Variants in PCDHGB1 observed in about 807,000 individuals in gnomAD.
The protein encoded by PCDHGB1 is protocadherin gamma subfamily B, 1.
Under a neutral mutation model 56.6 loss-of-function variants are expected in PCDHGB1, and 34 were observed. The ratio of observed to expected loss-of-function variants is 0.60; its 90% CI spans 0.46 to 0.80. The LOEUF (loss-of-function observed/expected upper bound fraction) is 0.80. PCDHGB1 is among the 30% of genes least tolerant of loss of function. The probability of loss-of-function intolerance (pLI) is 0.00; values close to 1 mark genes in which losing one functional copy is unlikely to be tolerated. For missense variants in PCDHGB1, 1,278 were observed against 1,204.6 expected, an observed-to-expected ratio of 1.06 and a Z score of -0.90; for synonymous variants, 561 against 505.9, an observed-to-expected ratio of 1.11 and a Z score of -1.46.
chr5:141,493,021 G>C lies in PCDHGB1; in HGVS notation c.2410-1786G>C, dbSNP rs1261539371. On this transcript the variant is annotated intron_variant, in intron 1 of 3. Transcript: ENST00000523390. This position sits in a 1 kb window ranked among gnomAD's most constrained non-coding sequence, Gnocchi z 4.3. ...AGCTATAGGCTCTGCCAGATGCCAG[G>C]GTGCCCTTATGTGTGAGGAAACTAC... Among the ~76,000 whole-genome samples, 1 of 152,180 alleles carries C rather than the reference G, an allele frequency of 6.6e-6. No individual in the cohort carries two copies. The highest frequency in any genetic ancestry group is 6.5e-5 in the Admixed American group (1 of 15,284).
At chr5:141,362,691 T>C (rs1762634639) in intron 1 of PCDHGB1, 2 of 1,109,006 alleles carry the variant, frequency 1.8e-6, no homozygotes, top group South Asian at 1.7e-5. Context: ...TAATCTTATC[T>C]AACTGAATTT....
chr5:141,369,622 A>C (rs904281390), intron 1 of PCDHGB1, among the ~76,000 whole-genome samples: 3 of 152,224 alleles, frequency 2.0e-5, no homozygotes, highest in African/African-American at 7.2e-5. Flanking sequence ...TCATTTCCTC[A>C]TTACCTTTAA....
intron 1 of PCDHGB1, among the ~76,000 whole-genome samples, chr5:141,401,792 T>C (rs1359997438): frequency 6.6e-6 from 1 of 152,212 alleles, no homozygotes; most frequent in Non-Finnish European, 1.5e-5. Context: ...CCTTAGTATG[T>C]GATTCAGTAA....
In PCDHGB1 at chr5:141,404,779, C is replaced by T. The variant is rs779433248; in HGVS notation, c.2409+52110C>T. 8.1e-6 allele frequency: 13 copies of T among 1,613,628 alleles called. No individual in the cohort carries two copies. In the Admixed American group the frequency reaches 1.5e-4, roughly 19 times the overall value. ...ATGCTTGGCTCTCCTACCGCCTATT[C>T]AAGGCCAGTGAGCCAGGGCTCTTCT... On this transcript the variant is annotated intron_variant, in intron 1 of 3. Coordinates refer to ENST00000523390, the MANE Select transcript of PCDHGB1 (RefSeq NM_018922.3).
intron 1 of PCDHGB1, chr5:141,361,215 G>A: frequency 1.2e-6 from 2 of 1,613,962 alleles, no homozygotes; most frequent in Non-Finnish European, 1.7e-6. Flanking sequence ...CGGAGGATTC[G>A]CCACCAGGAA....
At position 141,512,967 on chromosome 5, in the gene PCDHGB1, T is replaced by C. The variant is rs2099884538; in HGVS notation, c.*1794T>C. ...CGACAAAAAAATAATAAAACGTTTC[T>C]TCTGAAAAGCTGAACGTTTCTGTAT... On this transcript the variant is annotated 3_prime_UTR_variant, in exon 4 of 4. Transcript: ENST00000523390. The C allele has an allele frequency of 6.6e-6, 1 of 152,260 alleles. No individual in the cohort carries two copies. Among genetic ancestry groups the C allele is most frequent in the South Asian group, 2.1e-4 (1 of 4,832 alleles). The allele number at this position is 152,260 out of a possible 1,614,324, so 9.4% of individuals were successfully genotyped here.
rs575872277 is a variant in PCDHGB1, at chr5:141,511,848, G to A, written c.*675G>A. The A allele has an allele frequency of 6.4e-6, 1 of 156,684 alleles. No individual in the cohort carries two copies. The highest frequency in any genetic ancestry group is 2.0e-4 in the South Asian group (1 of 5,078). The allele number at this position is 156,684 out of a possible 1,614,324, so 9.7% of individuals were successfully genotyped here. A position where few individuals can be genotyped will look rare whatever the true frequency, so the allele number is the denominator to read the frequency against. ...GCCCTGGGGACCAGTCTTCTGTTTT[G>A]TTTTTCATTGTTTGACGTTTCCACT... On this transcript the variant is annotated 3_prime_UTR_variant, in exon 4 of 4. Transcript: ENST00000523390.
chr5:141,510,323 C>A (rs1173679711), intron 3 of PCDHGB1, among the ~76,000 whole-genome samples: 1 of 151,234 alleles, frequency 6.6e-6, no homozygotes, highest in East Asian at 2.0e-4. Flanking sequence ...TGGAAGAGCA[C>A]TCTTCACCCC....
At chr5:141,415,257 T>G in intron 1 of PCDHGB1, 1 of 1,614,170 alleles carries the variant, frequency 6.2e-7, no homozygotes, top group Non-Finnish European at 8.5e-7. Flanking sequence ...CAGACCTCAC[T>G]CTGTACCTGG....
At chr5:141,465,293 G>A (rs1407146382) in intron 1 of PCDHGB1, among the ~76,000 whole-genome samples, 2 of 152,258 alleles carry the variant, frequency 1.3e-5, no homozygotes, top group South Asian at 2.1e-4. Flanking sequence ...AAAGAACTGA[G>A]AGTCCTGGGA....
rs769633110 is a variant in PCDHGB1 at position 141,374,076 on chromosome 5, A to G, written c.2409+21407A>G. The G allele has an allele frequency of 3.3e-6, 5 of 1,514,538 alleles. No homozygotes were observed. The Admixed American group carries it at 9.2e-5, about 28-fold the overall frequency. 93.8% of individuals were successfully genotyped at this position (1,514,538 alleles called of 1,614,324 possible). A position where few individuals can be genotyped will look rare whatever the true frequency, so the allele number is the denominator to read the frequency against. ...CTTAATCCCAGAGAAGTTCCTAATA[A>G]GCCAGTAATGGCGCCTCCGCAGAGG... On this transcript the variant is annotated intron_variant, in intron 1 of 3. Coordinates refer to ENST00000523390, the MANE Select transcript of PCDHGB1 (RefSeq NM_018922.3).
intron 2 of PCDHGB1, among the ~76,000 whole-genome samples, chr5:141,501,290 TACACAC>T (rs55762287): frequency 0.081 from 10,957 of 136,038 alleles, 480 homozygotes; most frequent in African/African-American, 0.13. Context: ...TATTCCCTTA[TACACAC>T]ACACACACAC....
chr5:141,403,620 C>T (rs1561689160), intron 1 of PCDHGB1: 1 of 1,613,916 alleles, frequency 6.2e-7, no homozygotes, highest in Non-Finnish European at 8.5e-7. Context: ...CCGCGTCGCT[C>T]CAGCACAGTG....
At position 141,511,238 on chromosome 5, in the gene PCDHGB1, G is replaced by A; in HGVS notation, c.*65G>A. ...CAACCAGCCCAGCTTCTCCTTACCT[G>A]CACCCAGGCCTCAGAGTTTCAGGGC... On this transcript the variant is annotated 3_prime_UTR_variant, in exon 4 of 4. Coordinates refer to ENST00000523390, the MANE Select transcript of PCDHGB1 (RefSeq NM_018922.3). 6.3e-7 allele frequency: 1 copy of A among 1,589,142 alleles called. No homozygotes were observed. The highest frequency in any genetic ancestry group is 2.3e-5 in the East Asian group (1 of 43,302).
chr5:141,383,357 C>A lies in PCDHGB1; in HGVS notation c.2409+30688C>A, dbSNP rs769784659. The A allele has an allele frequency of 9.9e-6, 16 of 1,613,956 alleles. No homozygotes were observed. The South Asian group carries it at 1.8e-4, about 18-fold the overall frequency. ...AATACAGCTCCTGGGGTTCGGTTTC[C>A]GTTAAGCGAGGCTGGGGATCCAGAT... On this transcript the variant is annotated intron_variant, in intron 1 of 3. Transcript: ENST00000523390.
chr5:141,365,198 G>A, intron 1 of PCDHGB1: 1 of 1,613,856 alleles, frequency 6.2e-7, no homozygotes, highest in Non-Finnish European at 8.5e-7. Context: ...AAAAATTTCG[G>A]AGACTTTCCA....
Position 141,390,351 on chromosome 5 carries a change from C to T in PCDHGB1, c.2409+37682C>T, listed in dbSNP as rs1561631456. 5 of 1,558,898 alleles carry T rather than the reference C, an allele frequency of 3.2e-6. No homozygotes were observed. The Admixed American group carries it at 9.1e-5, about 28-fold the overall frequency. On this transcript the variant is annotated intron_variant, in intron 1 of 3. Transcript: ENST00000523390. ...TTCTCCATATTCACAAGAAAATATA[C>T]ATATTTGCAGGAAAATATATAATTT...
At chr5:141,503,598 C>CTAA (rs2099824827) in intron 2 of PCDHGB1, among the ~76,000 whole-genome samples, 2 of 65,752 alleles carry the variant, frequency 3.0e-5, no homozygotes, top group African/African-American at 9.3e-5. Flanking sequence ...GACTCCAGCT[C>CTAA]AAAAAAAAAA....
At chr5:141,384,942 C>T (rs769507654) in intron 1 of PCDHGB1, 10 of 1,613,874 alleles carry the variant, frequency 6.2e-6, no homozygotes, top group African/African-American at 2.7e-5. Flanking sequence ...TTGAGCCCTC[C>T]GACGGTCCTT....
Sources: allele counts gnomAD v4.1 joint callset (sites outside exome capture counted in the v4.1 genomes callset), GRCh38; gene constraint gnomAD v4.1.1; non-coding constraint Gnocchi (gnomAD v3.1); transcripts MANE v1.5; gene names NCBI Gene and HGNC (gene_info 2026-07-23, HGNC 2026-07-21).